Variants in ERICH1 observed in about 807,000 individuals in gnomAD.
ERICH1 encodes glutamate-rich protein 1.
A neutral mutation model predicts 39.6 loss-of-function variants in ERICH1; 56 were observed. The observed-to-expected ratio is 1.41, with a 90% CI of 1.14 to 1.77. The LOEUF (loss-of-function observed/expected upper bound fraction) is 1.77, where lower values mean the gene tolerates loss of function less well. ERICH1 is among the 40% of genes most tolerant of loss of function. ERICH1 has a pLI of 0.00. For missense variants in ERICH1, 826 were observed against 575.4 expected (o/e 1.44, Z -4.45); for synonymous variants, 313 against 223.6 (o/e 1.40, Z -3.57).
At chr8:704,874 G>A (rs1343278976) in intron 2 of ERICH1, among the ~76,000 whole-genome samples, 3 of 152,226 alleles carry the variant, frequency 2.0e-5, no homozygotes, top group Non-Finnish European at 4.4e-5. Flanking sequence ...TGTGACTGGA[G>A]TGATGGGCAG....
chr8:692,746 C>T lies in ERICH1; in HGVS notation c.170-134G>A, dbSNP rs140785735. On this transcript the variant is annotated intron_variant, in intron 2 of 5. Coordinates refer to ENST00000262109, the MANE Select transcript of ERICH1 (RefSeq NM_207332.3). The stretch of plus-strand genomic sequence containing the variant: ...AATCAAAGAGCTCAATAAAACCTAA[C>T]CACTGTCATAAATACTGATTTTAAT... 1.9e-3 allele frequency: 2,024 copies of T among 1,070,972 alleles called. 2 individuals carry two copies. The highest frequency in any genetic ancestry group is 2.2e-3 in the Non-Finnish European group (1,720 of 769,108). 66.3% of individuals were successfully genotyped at this position (1,070,972 alleles called of 1,614,324 possible). A position where few individuals can be genotyped will look rare whatever the true frequency, so the allele number is the denominator to read the frequency against.
intron 3 of ERICH1, among the ~76,000 whole-genome samples, chr8:687,030 G>C (rs547966401): frequency 6.6e-6 from 1 of 152,232 alleles, no homozygotes. Context: ...AAAGGCAAAA[G>C]GCAGAGAGAG....
intron 1 of ERICH1, among the ~76,000 whole-genome samples, chr8:727,314 A>AGCTGCAGGAACTGGCACCAGT: frequency 1.3e-5 from 2 of 152,344 alleles, no homozygotes; most frequent in East Asian, 3.9e-4. Flanking sequence ...GGACTACCAG[A>AGCTGCAGGAACTGGCACCAGT]GCTGCAGGAA....
chr8:704,351 G>A (rs868742968), intron 2 of ERICH1, among the ~76,000 whole-genome samples: 1 of 152,138 alleles, frequency 6.6e-6, no homozygotes, highest in East Asian at 1.9e-4. Flanking sequence ...CCATGCTGGG[G>A]GTGGAACAGT....
chr8:620,304 T>A (rs1797202305), intron 3 of ERICH1, among the ~76,000 whole-genome samples: 2 of 152,168 alleles, frequency 1.3e-5, no homozygotes, highest in South Asian at 4.1e-4. Flanking sequence ...AGAGTGAGAC[T>A]CTGTCTCAAA....
intron 3 of ERICH1, among the ~76,000 whole-genome samples, chr8:643,084 A>G (rs954054610): frequency 2.0e-5 from 3 of 151,910 alleles, no homozygotes; most frequent in Non-Finnish European, 4.4e-5. Context: ...CGGCCCCAGG[A>G]CATCGGGTGC....
At chr8:661,234 G>A (rs1233607377), downstream of ERICH1, among the ~76,000 whole-genome samples, 7 of 152,118 alleles carry the variant, frequency 4.6e-5, no homozygotes, top group Non-Finnish European at 5.9e-5. Context: ...CCTGGAGAGC[G>A]CTCGGGGCAA....
chr8:702,076 CAAAAAAAAAAA>C (rs60476920), intron 2 of ERICH1, among the ~76,000 whole-genome samples: 3 of 88,152 alleles, frequency 3.4e-5, no homozygotes, highest in Non-Finnish European at 6.3e-5. Context: ...GACTACATCT[CAAAAAAAAAAA>C]AAAAAAAAAA....
At chr8:662,334 G>C (rs916213349), downstream of ERICH1, among the ~76,000 whole-genome samples, 1 of 152,236 alleles carries the variant, frequency 6.6e-6, no homozygotes, top group Admixed American at 6.5e-5. Context: ...TTTCATATTT[G>C]CAAAGCATGT....
intron 1 of ERICH1, among the ~76,000 whole-genome samples, chr8:720,499 A>G (rs1025722986): frequency 6.6e-6 from 1 of 152,144 alleles, no homozygotes; most frequent in Non-Finnish European, 1.5e-5. Context: ...AAACAATACA[A>G]TTTTAGTATA....
chr8:616,979 A>G (rs1483020194), intron 3 of ERICH1, among the ~76,000 whole-genome samples: 1 of 141,486 alleles, frequency 7.1e-6, no homozygotes. Flanking sequence ...AGAGAGAGAG[A>G]GAGACATTGG....
At chr8:616,882 GAC>G (rs2116996514) in intron 3 of ERICH1, among the ~76,000 whole-genome samples, 1 of 46,610 alleles carries the variant, frequency 2.1e-5, no homozygotes. Context: ...GGGAGAGGGA[GAC>G]AGAGACACAC....
intron 5 of ERICH1, among the ~76,000 whole-genome samples, chr8:665,566 A>C (rs139528722): frequency 4.5e-4 from 69 of 152,376 alleles, no homozygotes; most frequent in African/African-American, 1.6e-3. Flanking sequence ...CCCAACAGTC[A>C]GGATGATAAA....
chr8:688,790 A>G (rs1808244425), intron 3 of ERICH1, among the ~76,000 whole-genome samples: 1 of 152,214 alleles, frequency 6.6e-6, no homozygotes, highest in Non-Finnish European at 1.5e-5. Flanking sequence ...CCTGGTGGCA[A>G]AAGCAAAAAG....
At chr8:708,659 C>A (rs891763378) in intron 2 of ERICH1, among the ~76,000 whole-genome samples, 2 of 128,366 alleles carry the variant, frequency 1.6e-5, no homozygotes, top group African/African-American at 5.7e-5. Flanking sequence ...GGAATGGGGG[C>A]TGAGTGGTTA....
chr8:633,710 G>C (rs1165699040), intron 3 of ERICH1, among the ~76,000 whole-genome samples: 1 of 152,202 alleles, frequency 6.6e-6, no homozygotes, highest in Non-Finnish European at 1.5e-5. Flanking sequence ...ACAGAGGCGA[G>C]GACCCAGAAA....
chr8:661,954 C>G (rs1049998810), downstream of ERICH1, among the ~76,000 whole-genome samples: 1 of 150,212 alleles, frequency 6.7e-6, no homozygotes, highest in African/African-American at 2.4e-5. Context: ...TTCTGTGGAA[C>G]CTACAGGGAT....
At chr8:723,210 G>A (rs974408099) in intron 1 of ERICH1, among the ~76,000 whole-genome samples, 2 of 152,154 alleles carry the variant, frequency 1.3e-5, no homozygotes, top group Non-Finnish European at 2.9e-5. Context: ...TTCCCGACGG[G>A]GCCTCACCAG....
At chr8:644,285 C>G (rs2117261223) in intron 3 of ERICH1, among the ~76,000 whole-genome samples, 1 of 152,350 alleles carries the variant, frequency 6.6e-6, no homozygotes, top group South Asian at 2.1e-4. Context: ...GAGGGTGGCT[C>G]CTTCTTCCTT....
Sources: gnomAD v4.1 joint callset for allele counts (sites outside exome capture counted in the v4.1 genomes callset) on GRCh38, gnomAD v4.1.1 for gene constraint, MANE v1.5 for transcripts, NCBI Gene and HGNC (gene_info 2026-07-23, HGNC 2026-07-21) for gene names.